DCAF6: variants seen among roughly 807,000 people sequenced by gnomAD.
DCAF6 encodes DDB1 and CUL4 associated factor 6.
A neutral mutation model predicts 125.1 loss-of-function variants in DCAF6; 54 were observed. The ratio of observed to expected loss-of-function variants is 0.43; its 90% CI spans 0.35 to 0.54. The LOEUF (loss-of-function observed/expected upper bound fraction) is 0.54. Among genes scored for constraint, DCAF6 ranks in the 20% least tolerant of loss-of-function variants. The pLI is 0.01. For synonymous variants in DCAF6, 371 were observed against 390.4 expected (o/e 0.95, Z 0.58); for missense variants, 934 against 1,161.7 (o/e 0.80, Z 2.85).
intron 4 of DCAF6, 68 bp from the exon 5 acceptor site, chr1:167,987,427 G>T: frequency 2.6e-6 from 2 of 779,556 alleles, no homozygotes; most frequent in East Asian, 2.5e-5. Flanking sequence ...TGAAATAGTA[G>T]GAATGTTTTT....
rs1426967291 is a variant in DCAF6 at position 168,073,163 on chromosome 1, G to A, written c.2792-2208G>A. ...TGCACTCCAGCCTGGGCGATAGAGCGAGACTCGGTCTCAAAAAAAAAAGAA... is the reference window on the plus strand; with the variant it reads ...TGCACTCCAGCCTGGGCGATAGAGCAAGACTCGGTCTCAAAAAAAAAAGAA... On this transcript the variant is annotated intron_variant, in intron 21 of 21. Transcript: ENST00000367840. Among the ~76,000 whole-genome samples the A allele has an allele frequency of 2.0e-5, 3 of 151,870 alleles. No individual in the cohort carries two copies. In the East Asian group the frequency reaches 5.8e-4, roughly 29 times the overall value.
At chr1:167,958,335 GTTTTTTTTTGT>G (rs1298764840) in intron 2 of DCAF6, among the ~76,000 whole-genome samples, 1 of 133,626 alleles carries the variant, frequency 7.5e-6, no homozygotes, top group Non-Finnish European at 1.6e-5. Context: ...GGTCCAAGGT[GTTTTTTTTTGT>G]TTTTTTTTTG....
the DCAF6 span, among the ~76,000 whole-genome samples, chr1:167,873,089 T>C: frequency 2.6e-5 from 4 of 151,652 alleles, no homozygotes; most frequent in Non-Finnish European, 4.4e-5. Flanking sequence ...AAAAAAGAAA[T>C]ATCCACATAA....
chr1:168,054,401 A>T (rs1398494769), intron 17 of DCAF6, among the ~76,000 whole-genome samples: 1 of 152,120 alleles, frequency 6.6e-6, no homozygotes. Flanking sequence ...CTGATAACCT[A>T]TTAATCTATA....
intron 1 of DCAF6, among the ~76,000 whole-genome samples, chr1:167,947,377 T>A (rs1464102956): frequency 6.6e-6 from 1 of 151,926 alleles, no homozygotes; most frequent in East Asian, 1.9e-4. Flanking sequence ...CATTTAGTTC[T>A]GCTCTGATCT....
At chr1:167,926,427 T>C in the DCAF6 span, among the ~76,000 whole-genome samples, 1 of 152,232 alleles carries the variant, frequency 6.6e-6, no homozygotes, top group Non-Finnish European at 1.5e-5. Flanking sequence ...GTTTCTTCTT[T>C]GGTTAAGGTT....
the DCAF6 span, chr1:167,901,783 C>G: frequency 1.5e-5 from 24 of 1,614,194 alleles, no homozygotes; most frequent in South Asian, 2.6e-4. Context: ...GCTCCACCCT[C>G]CACAGGGCTA....
chr1:167,890,385 C>T, the DCAF6 span, among the ~76,000 whole-genome samples: 1 of 152,142 alleles, frequency 6.6e-6, no homozygotes, highest in African/African-American at 2.4e-5. Context: ...TTGTTCTCTT[C>T]CCTTACTTTC....
At chr1:167,980,822 A>C (rs1448015351) in intron 4 of DCAF6, among the ~76,000 whole-genome samples, 1 of 151,376 alleles carries the variant, frequency 6.6e-6, no homozygotes, top group Non-Finnish European at 1.5e-5. Flanking sequence ...ATGTAGTTCC[A>C]CTTGTCTGTT....
chr1:167,991,355 T>C lies in DCAF6; in HGVS notation c.688+16T>C. On this transcript the variant is annotated intron_variant, in intron 6 of 21. Transcript: ENST00000367840. ...AGAGCTACAGGTAAGAAGATAATAT[T>C]AGAGAAAATATAGGACTGTCAGTTC... The C allele has an allele frequency of 6.3e-7, 1 of 1,597,430 alleles. No individual in the cohort carries two copies.
chr1:167,956,037 A>T (rs1425972442), intron 2 of DCAF6, among the ~76,000 whole-genome samples: 1 of 152,174 alleles, frequency 6.6e-6, no homozygotes, highest in African/African-American at 2.4e-5. Flanking sequence ...AAGTGCTGGG[A>T]TTACAGGTAT....
chr1:167,936,542 TC>T (rs369791899), upstream of DCAF6: 3 of 265,710 alleles, frequency 1.1e-5, no homozygotes, highest in African/African-American at 7.0e-5. Flanking sequence ...CCAGCCTCAG[TC>T]CCCAGGGTGG....
the DCAF6 span, among the ~76,000 whole-genome samples, chr1:167,887,591 T>C: frequency 1.3e-5 from 2 of 152,084 alleles, no homozygotes; most frequent in African/African-American, 4.8e-5. Context: ...ATATACCTAA[T>C]GTAAAAGATG....
At chr1:168,003,278 C>T (rs1682890267) in intron 8 of DCAF6, among the ~76,000 whole-genome samples, 1 of 152,068 alleles carries the variant, frequency 6.6e-6, no homozygotes, top group African/African-American at 2.4e-5. Context: ...TTTGACATTA[C>T]ACTTTTAATT....
At chr1:167,895,695 T>A in the DCAF6 span, among the ~76,000 whole-genome samples, 1 of 152,210 alleles carries the variant, frequency 6.6e-6, no homozygotes, top group African/African-American at 2.4e-5. Context: ...ATTCTGGCTG[T>A]TAGGTCTGAG....
chr1:167,936,894 C>T lies in DCAF6; in HGVS notation c.-18C>T. ...CCCCACGCGGTGGTCTCCCCTCCCA[C>T]CCGGCTCAGGCAGAGCCATGTCTCG... On this transcript the variant is annotated 5_prime_UTR_variant, in exon 1 of 22. Transcript: ENST00000367840. The T allele has an allele frequency of 1.9e-6, 3 of 1,580,642 alleles. No homozygotes were observed. Among genetic ancestry groups the T allele is most frequent in the Non-Finnish European group, 2.6e-6 (3 of 1,164,308 alleles).
intron 12 of DCAF6, among the ~76,000 whole-genome samples, chr1:168,026,322 C>A (rs1034236361): frequency 1.3e-5 from 2 of 152,012 alleles, no homozygotes; most frequent in African/African-American, 2.4e-5. Context: ...TAAATGAATT[C>A]TTTAAGCAAT....
intron 11 of DCAF6, 118 bp from the exon 12 acceptor site, chr1:168,022,870 G>A: frequency 2.3e-6 from 2 of 873,812 alleles, no homozygotes; most frequent in South Asian, 1.4e-5. Flanking sequence ...TCACACCACA[G>A]TACTTACTTC....
chr1:167,969,676 A>T (rs1281939286), intron 3 of DCAF6, among the ~76,000 whole-genome samples: 1 of 152,216 alleles, frequency 6.6e-6, no homozygotes, highest in East Asian at 1.9e-4. Flanking sequence ...TTATTTCATT[A>T]AGTTTTACTT....
Sources: gnomAD v4.1 joint callset for allele counts (sites outside exome capture counted in the v4.1 genomes callset) on GRCh38, gnomAD v4.1.1 for gene constraint, MANE v1.5 for transcripts, NCBI Gene and HGNC (gene_info 2026-07-23, HGNC 2026-07-21) for gene names.